GATAD2A: variants seen among roughly 807,000 people sequenced by gnomAD.
GATAD2A encodes the protein GATA zinc finger domain containing 2A, also known as transcriptional repressor p66-alpha.
GATAD2A carries 12 observed loss-of-function variants against 68.5 expected under a neutral mutation model. That is an observed-to-expected ratio of 0.18 (90% confidence interval 0.11 to 0.28). The LOEUF (loss-of-function observed/expected upper bound fraction) is 0.28, where lower values mean the gene tolerates loss of function less well. Among genes scored for constraint, GATAD2A ranks in the 10% least tolerant of loss-of-function variants. GATAD2A has a pLI of 1.00. For missense variants in GATAD2A, 755 were observed against 868.5 expected, an observed-to-expected ratio of 0.87 and a Z score of 1.64; for synonymous variants, 410 against 375.3, an observed-to-expected ratio of 1.09 and a Z score of -1.07.
At chr19:19,436,982 T>C (rs2054437057) in intron 1 of GATAD2A, among the ~76,000 whole-genome samples, 1 of 152,206 alleles carries the variant, frequency 6.6e-6, no homozygotes, top group African/African-American at 2.4e-5. Context: ...CTGCTGACCA[T>C]GGCACAGAAC....
intron 2 of GATAD2A, among the ~76,000 whole-genome samples, chr19:19,476,992 G>A (rs2148189192): frequency 6.6e-6 from 1 of 152,338 alleles, no homozygotes; most frequent in South Asian, 2.1e-4. Context: ...GATCGGCCAT[G>A]TACTGAATCT....
intron 1 of GATAD2A, among the ~76,000 whole-genome samples, chr19:19,436,931 A>G (rs117838576): frequency 1.3e-5 from 2 of 152,330 alleles, no homozygotes; most frequent in East Asian, 3.9e-4. Context: ...TGCCCCATCG[A>G]ACAGGATCTT....
At chr19:19,387,312 A>C (rs1485949861) in intron 1 of GATAD2A, among the ~76,000 whole-genome samples, 11 of 125,066 alleles carry the variant, frequency 8.8e-5, no homozygotes, top group African/African-American at 9.1e-5. Flanking sequence ...TACTTTTCTG[A>C]CTTGTCCCCC....
At chr19:19,477,870 GGGT>G (rs2058778756) in intron 2 of GATAD2A, among the ~76,000 whole-genome samples, 1 of 152,202 alleles carries the variant, frequency 6.6e-6, no homozygotes, top group Non-Finnish European at 1.5e-5. Flanking sequence ...CTGAGGTCCT[GGGT>G]GACCTGGCCA....
chr19:19,434,706 C>T (rs1055385645), intron 1 of GATAD2A, among the ~76,000 whole-genome samples: 2 of 152,106 alleles, frequency 1.3e-5, no homozygotes, highest in South Asian at 2.1e-4. Context: ...TAGCCCTGGA[C>T]GTCTGATGAT....
chr19:19,438,243 T>C (rs908282663), intron 1 of GATAD2A, among the ~76,000 whole-genome samples: 1 of 152,222 alleles, frequency 6.6e-6, no homozygotes, highest in African/African-American at 2.4e-5. Context: ...GCTCTCATCA[T>C]GTTGGCTCAC....
intron 2 of GATAD2A, among the ~76,000 whole-genome samples, chr19:19,483,660 C>T (rs1458908627): frequency 6.6e-6 from 1 of 151,782 alleles, no homozygotes; most frequent in South Asian, 2.1e-4. Flanking sequence ...TGTCATCCAG[C>T]ATGGAGTGCA....
intron 1 of GATAD2A, among the ~76,000 whole-genome samples, chr19:19,461,658 G>A (rs948508976): frequency 6.6e-6 from 1 of 152,246 alleles, no homozygotes; most frequent in Non-Finnish European, 1.5e-5. Flanking sequence ...CCCTAGTTGA[G>A]GAAGAGCTGG....
upstream of GATAD2A, among the ~76,000 whole-genome samples, chr19:19,403,541 T>C (rs2049947208): frequency 6.6e-6 from 1 of 151,996 alleles, no homozygotes; most frequent in Non-Finnish European, 1.5e-5. Context: ...ATTAATGTGT[T>C]GCAGTTGATG....
intron 4 of GATAD2A, among the ~76,000 whole-genome samples, 195 bp downstream of exon 4, chr19:19,492,907 C>G (rs2059899119): frequency 6.7e-6 from 1 of 150,268 alleles, no homozygotes; most frequent in Admixed American, 6.6e-5. Context: ...GAATTTCAGT[C>G]TAGAGTATTC....
chr19:19,388,018 C>A (rs1281257009), intron 1 of GATAD2A, among the ~76,000 whole-genome samples: 1 of 151,022 alleles, frequency 6.6e-6, no homozygotes, highest in Non-Finnish European at 1.5e-5. Context: ...GGGAGAAACT[C>A]TTTATTTATC....
rs760826335 is a variant in GATAD2A at position 19,492,704 on chromosome 19, G to T, written c.526G>T (p.Ala176Ser). 1.9e-6 allele frequency: 3 copies of T among 1,613,970 alleles called. No individual in the cohort carries two copies. Among genetic ancestry groups the T allele is most frequent in the Admixed American group, 1.7e-5 (1 of 59,994 alleles). The change falls in exon 4 of 12, where the codon GCC becomes TCC. Residue 176 changes from alanine (A) to serine (S), a missense_variant. By Grantham distance (99) the Ala-to-Ser change is moderately conservative. Coordinates refer to ENST00000683918, the MANE Select transcript of GATAD2A (RefSeq NM_001384528.1). ...GAGTCAAATACAAAAGGAAGCCACC[G>T]CCCAGAAGGTGCGTGCCTGTCTCCC... ...RQSQIQKEAT[A>S]QKPTGSVGST... is the part of the protein sequence containing the mutation.
chr19:19,463,213 T>C (rs1434624262), intron 1 of GATAD2A, among the ~76,000 whole-genome samples: 1 of 151,918 alleles, frequency 6.6e-6, no homozygotes, highest in African/African-American at 2.4e-5. Flanking sequence ...GAAGGAGAAA[T>C]GTCCCACCCC....
At chr19:19,409,735 G>A (rs568275858) in intron 1 of GATAD2A, among the ~76,000 whole-genome samples, 4 of 152,252 alleles carry the variant, frequency 2.6e-5, no homozygotes, top group South Asian at 2.1e-4. Flanking sequence ...AGTGAGACCC[G>A]TACTGTCAGA....
At position 19,508,454 on chromosome 19, in the gene GATAD2A, A is replaced by T. The variant is rs2060959592; in HGVS notation, c.*2980A>T. 6.6e-6 allele frequency: 1 copy of T among 152,240 alleles called. No individual in the cohort carries two copies. The allele number at this position is 152,240 out of a possible 1,614,324, so 9.4% of individuals were successfully genotyped here. ...CGGACCTCGGTGAAGCAAAAGCTTC[A>T]GGGCAGAGGGAATGAGGCAACCCAG... On this transcript the variant is annotated 3_prime_UTR_variant, in exon 12 of 12. Transcript: ENST00000683918.
At chr19:19,404,913 G>A (rs1257580474), upstream of GATAD2A, among the ~76,000 whole-genome samples, 1 of 152,130 alleles carries the variant, frequency 6.6e-6, no homozygotes, top group Non-Finnish European at 1.5e-5. Flanking sequence ...GCCTTCTTGT[G>A]GTAGATTTTC....
chr19:19,405,564 C>A (rs2050117604), upstream of GATAD2A, among the ~76,000 whole-genome samples: 1 of 151,986 alleles, frequency 6.6e-6, no homozygotes, highest in Non-Finnish European at 1.5e-5. Flanking sequence ...GGCGGTGCTT[C>A]CGGGGCGGTA....
intron 1 of GATAD2A, among the ~76,000 whole-genome samples, chr19:19,455,731 TTC>T (rs1421664846): frequency 6.6e-6 from 1 of 151,884 alleles, no homozygotes; most frequent in Non-Finnish European, 1.5e-5. Context: ...ATCCCGGGAG[TTC>T]CTGGAAATAA....
Position 19,495,992 on chromosome 19 carries a change from G to T in GATAD2A, c.757-60G>T, listed in dbSNP as rs889262409. ...GGGGGCAAGGTGCCCTGTGCCTTCCGGTCCCGCTCCATTGTTGATCTCAGT... is the reference window on the plus strand; with the variant it reads ...GGGGGCAAGGTGCCCTGTGCCTTCCTGTCCCGCTCCATTGTTGATCTCAGT... On this transcript the variant is annotated intron_variant, in intron 6 of 11. Coordinates refer to ENST00000683918, the MANE Select transcript of GATAD2A (RefSeq NM_001384528.1). 5.0e-6 allele frequency: 8 copies of T among 1,588,466 alleles called. No individual in the cohort carries two copies. The African/African-American group carries it at 9.4e-5, about 19-fold the overall frequency.
Sources: gnomAD v4.1 joint callset for allele counts (sites outside exome capture counted in the v4.1 genomes callset) on GRCh38, gnomAD v4.1.1 for gene constraint, MANE v1.5 for transcripts, NCBI Gene and HGNC (gene_info 2026-07-23, HGNC 2026-07-21) for gene names.